Variants in USP6NL observed in about 807,000 individuals in gnomAD.
The protein encoded by USP6NL is USP6 N-terminal-like protein.
USP6NL carries 26 observed loss-of-function variants against 61.9 expected under a neutral mutation model. That is an observed-to-expected ratio of 0.42 (90% CI 0.31 to 0.58). The LOEUF (loss-of-function observed/expected upper bound fraction) is 0.58. Among genes scored for constraint, USP6NL ranks in the 20% least tolerant of loss-of-function variants. USP6NL has a pLI of 0.16. For synonymous variants in USP6NL, 432 were observed against 390.1 expected (o/e 1.11, Z -1.27); for missense variants, 1,114 against 1,034.3 (o/e 1.08, Z -1.06).
At chr10:11,544,613 G>A (rs774197076) in intron 2 of USP6NL, among the ~76,000 whole-genome samples, 1 of 151,872 alleles carries the variant, frequency 6.6e-6, no homozygotes, top group Non-Finnish European at 1.5e-5. Flanking sequence ...TCAGCCTCCC[G>A]AGTAGCTGGG....
intron 6 of USP6NL, among the ~76,000 whole-genome samples, chr10:11,502,175 C>T (rs1212056593): frequency 5.3e-5 from 8 of 151,108 alleles, no homozygotes; most frequent in Non-Finnish European, 8.8e-5. Context: ...AGGAGAATGG[C>T]GTGAACCCGG....
chr10:11,512,520 A>G (rs1834765310), intron 5 of USP6NL, among the ~76,000 whole-genome samples: 1 of 152,178 alleles, frequency 6.6e-6, no homozygotes, highest in Non-Finnish European at 1.5e-5. Flanking sequence ...TTCAATGGCT[A>G]CCCATTTTCT....
At position 11,470,724 on chromosome 10, in the gene USP6NL, C is replaced by A. The variant is rs1344861335; in HGVS notation, c.1079-6875G>T. ...CAACTAACTGTAACTAAAACATTCA[C>A]ACATAATTGATGTCAAAACAGAAAA... On this transcript the variant is annotated intron_variant, in intron 14 of 14. Transcript: ENST00000609104. The surrounding 1 kb of genome is among the most constrained non-coding windows in gnomAD (Gnocchi z 5.4). Among the ~76,000 whole-genome samples, 1 of 152,240 alleles carries A rather than the reference C, an allele frequency of 6.6e-6. No individual in the cohort carries two copies. The highest frequency in any genetic ancestry group is 2.4e-5 in the African/African-American group (1 of 41,460).
chr10:11,543,803 G>GGTT (rs1836161546), intron 2 of USP6NL, among the ~76,000 whole-genome samples: 6 of 76,392 alleles, frequency 7.9e-5, no homozygotes, highest in Admixed American at 3.9e-4. Flanking sequence ...AAATATTTAG[G>GGTT]TTTTTTTTTT....
At position 11,478,342 on chromosome 10, in the gene USP6NL, C is replaced by T. The variant is rs1833054708; in HGVS notation, c.1078+3428G>A. 2.0e-5 allele frequency among the ~76,000 whole-genome samples: 3 copies of T among 151,474 alleles called. No homozygotes were observed. Among genetic ancestry groups the T allele is most frequent in the South Asian group, 2.1e-4 (1 of 4,706 alleles). The stretch of plus-strand genomic sequence containing the variant: ...TGACCACCTGCTGACAGCCACGTTT[C>T]ATATGGTACACGAGTGGGGGATGGA... On this transcript the variant is annotated intron_variant, in intron 14 of 14. Coordinates refer to ENST00000609104, the MANE Select transcript of USP6NL (RefSeq NM_014688.5). This position sits in a 1 kb window ranked among gnomAD's most constrained non-coding sequence, Gnocchi z 6.8.
rs922958890 is a variant in USP6NL at position 11,537,909 on chromosome 10, CCT to C, written c.5-10344_5-10343del. ...TCCCCTTGATTCTCCATGGCTTGCC[CCT>C]GATTCTGCAAATAAAAAGATCAACA... On this transcript the variant is annotated intron_variant, in intron 2 of 14. Coordinates refer to ENST00000609104, the MANE Select transcript of USP6NL (RefSeq NM_014688.5). This position sits in a 1 kb window ranked among gnomAD's most constrained non-coding sequence, Gnocchi z 5.1. Among the ~76,000 whole-genome samples the C allele has an allele frequency of 6.6e-6, 1 of 152,128 alleles. No homozygotes were observed. Among genetic ancestry groups the C allele is most frequent in the Non-Finnish European group, 1.5e-5 (1 of 68,022 alleles).
intron 6 of USP6NL, among the ~76,000 whole-genome samples, chr10:11,506,834 T>A (rs1190193959): frequency 6.6e-6 from 1 of 152,044 alleles, no homozygotes; most frequent in Non-Finnish European, 1.5e-5. Context: ...TTCTCTGTAT[T>A]ACTACTATAT....
chr10:11,562,061 A>T lies in USP6NL; in HGVS notation c.5-34494T>A, dbSNP rs916550018. ...TTTGTGAGGCCAAGGCAGGCAGATC[A>T]CGAGGTCAGGAGTTTAAGACCAGCC... On this transcript the variant is annotated intron_variant, in intron 2 of 14. Coordinates refer to ENST00000609104, the MANE Select transcript of USP6NL (RefSeq NM_014688.5). This position sits in a 1 kb window ranked among gnomAD's most constrained non-coding sequence, Gnocchi z 4.8. 4.0e-4 allele frequency among the ~76,000 whole-genome samples: 61 copies of T among 152,254 alleles called. No homozygotes were observed. The highest frequency in any genetic ancestry group is 1.4e-3 in the African/African-American group (60 of 41,560).
Position 11,611,519 on chromosome 10 carries a change from C to A in USP6NL, c.-160G>T, listed in dbSNP as rs1374472205. 6 of 148,522 alleles carry A rather than the reference C, an allele frequency of 4.0e-5. No individual in the cohort carries two copies. Among genetic ancestry groups the A allele is most frequent in the Middle Eastern group, 9.6e-4 (1 of 1,044 alleles). The allele number at this position is 148,522 out of a possible 1,614,324, so 9.2% of individuals were successfully genotyped here. A position where few individuals can be genotyped will look rare whatever the true frequency, so the allele number is the denominator to read the frequency against. On this transcript the variant is annotated 5_prime_UTR_variant, in exon 1 of 15. Coordinates refer to ENST00000609104, the MANE Select transcript of USP6NL (RefSeq NM_014688.5). This position sits in a 1 kb window ranked among gnomAD's most constrained non-coding sequence, Gnocchi z 5.3. ...CCCGGGCGGCCGAGCAGATCCGGCG[C>A]GGCGCGGCGCGGCGGCGGCGGCGGC... is the stretch of plus-strand genomic sequence containing the variant.
chr10:11,514,983 C>A (rs1277430052), intron 5 of USP6NL, among the ~76,000 whole-genome samples: 1 of 152,172 alleles, frequency 6.6e-6, no homozygotes, highest in African/African-American at 2.4e-5. Flanking sequence ...GGCTAAACTT[C>A]TGTTTAAAGT....
chr10:11,587,964 C>A lies in USP6NL; in HGVS notation c.4+9667G>T, dbSNP rs1438582873. ...TAGAAATGGGGAATTTTCTACTAAA[C>A]AGCTAAACGTGAAGGAAATCTAGAG... On this transcript the variant is annotated intron_variant, in intron 2 of 14. Transcript: ENST00000609104. This position sits in a 1 kb window ranked among gnomAD's most constrained non-coding sequence, Gnocchi z 4.5. Among the ~76,000 whole-genome samples, 1 of 152,188 alleles carries A rather than the reference C, an allele frequency of 6.6e-6. No homozygotes were observed. The highest frequency in any genetic ancestry group is 2.4e-5 in the African/African-American group (1 of 41,452).
At chr10:11,578,748 A>G (rs1289927746) in intron 2 of USP6NL, among the ~76,000 whole-genome samples, 1 of 152,286 alleles carries the variant, frequency 6.6e-6, no homozygotes, top group African/African-American at 2.4e-5. Context: ...ATGTCAATAC[A>G]ATATATGAAA....
rs116403209 is a variant in USP6NL at position 11,462,687 on chromosome 10, C to A, written c.2241G>T (p.Thr747=). 1.9e-6 allele frequency: 3 copies of A among 1,613,842 alleles called. No homozygotes were observed. The highest frequency in any genetic ancestry group is 3.3e-5 in the Admixed American group (2 of 60,004). Residue 747 remains threonine (T), a synonymous_variant, in exon 15 of 15, where the codon ACG becomes ACT. Coordinates refer to ENST00000609104, the MANE Select transcript of USP6NL (RefSeq NM_014688.5). ...CATCTCGGGTCCATGATTGTCCCTG[C>A]GTCTCAGGTCTGTATGTATAACTAA... ...SEVSYTYRPE[T]QGQSWTRDAS...
At chr10:11,588,283 G>T (rs1420214334) in intron 2 of USP6NL, among the ~76,000 whole-genome samples, 1 of 152,206 alleles carries the variant, frequency 6.6e-6, no homozygotes, top group Non-Finnish European at 1.5e-5. Context: ...ATGCTGTAAA[G>T]CACATCATTG....
intron 6 of USP6NL, among the ~76,000 whole-genome samples, chr10:11,501,838 T>C (rs540348064): frequency 1.3e-5 from 2 of 152,370 alleles, no homozygotes; most frequent in African/African-American, 4.8e-5. Context: ...TTTTCAGTTC[T>C]TGCTATTTCT....
chr10:11,508,830 C>T (rs1431051534), intron 6 of USP6NL, among the ~76,000 whole-genome samples: 1 of 152,162 alleles, frequency 6.6e-6, no homozygotes, highest in Non-Finnish European at 1.5e-5. Context: ...GAATAAGCAA[C>T]TGCCACTCAA....
Position 11,472,814 on chromosome 10 carries a change from C to T in USP6NL, c.1078+8956G>A, listed in dbSNP as rs377686283. 2.6e-5 allele frequency among the ~76,000 whole-genome samples: 4 copies of T among 152,160 alleles called. No individual in the cohort carries two copies. The South Asian group carries it at 8.3e-4, about 31-fold the overall frequency. On this transcript the variant is annotated intron_variant, in intron 14 of 14. Transcript: ENST00000609104. The stretch of plus-strand genomic sequence containing the variant: ...AAATTTTTATAGTTGGGTTCATAGG[C>T]TTGACTTTTTTTCCCAGCAGATTAA...
rs904711691 is a variant in USP6NL, at chr10:11,528,957, C to T, written c.5-1390G>A. On this transcript the variant is annotated intron_variant, in intron 2 of 14. Coordinates refer to ENST00000609104, the MANE Select transcript of USP6NL (RefSeq NM_014688.5). This position sits in a 1 kb window ranked among gnomAD's most constrained non-coding sequence, Gnocchi z 4.6. ...AGGAAACCAATAGAAATGCCAAAAA[C>T]GGAAGATGCATGAAGCAGCAATACT... Among the ~76,000 whole-genome samples, 3 of 152,048 alleles carry T rather than the reference C, an allele frequency of 2.0e-5. No individual in the cohort carries two copies. Among genetic ancestry groups the T allele is most frequent in the South Asian group, 2.1e-4 (1 of 4,824 alleles).
chr10:11,545,781 T>C (rs964619757), intron 2 of USP6NL, among the ~76,000 whole-genome samples: 5 of 152,254 alleles, frequency 3.3e-5, no homozygotes, highest in African/African-American at 9.6e-5. Context: ...AGGACTTTCA[T>C]GTATTTTGTT....
Sources: allele counts gnomAD v4.1 joint callset (sites outside exome capture counted in the v4.1 genomes callset), GRCh38; gene constraint gnomAD v4.1.1; non-coding constraint Gnocchi (gnomAD v3.1); transcripts MANE v1.5; gene names NCBI Gene and HGNC (gene_info 2026-07-23, HGNC 2026-07-21).